SKAP1: variants seen among roughly 807,000 people sequenced by gnomAD.
SKAP1 encodes src kinase associated phosphoprotein 1, also known as src kinase-associated phosphoprotein 1.
SKAP1 carries 44 observed loss-of-function variants against 58.5 expected under a neutral mutation model. The observed-to-expected ratio is 0.75, with a 90% CI of 0.59 to 0.97. The LOEUF is 0.97. Ranked by LOEUF, SKAP1 falls within the 50% of genes least tolerant of loss-of-function variation. The probability of loss-of-function intolerance (pLI) is 0.00; values close to 1 mark genes in which losing one functional copy is unlikely to be tolerated. For synonymous variants in SKAP1, 127 were observed against 149.7 expected (o/e 0.85, Z 1.11); for missense variants, 390 against 435.2 (o/e 0.90, Z 0.92).
At position 48,181,469 on chromosome 17, in the gene SKAP1, G is replaced by A. The variant is rs370036815; in HGVS notation, c.631+925C>T. Among the ~76,000 whole-genome samples, 11 of 152,344 alleles carry A rather than the reference G, an allele frequency of 7.2e-5. No individual in the cohort carries two copies. The East Asian group carries it at 1.5e-3, about 21-fold the overall frequency. On this transcript the variant is annotated intron_variant, in intron 8 of 12. Coordinates refer to ENST00000336915, the MANE Select transcript of SKAP1 (RefSeq NM_003726.4). The stretch of plus-strand genomic sequence containing the variant: ...GTTCCAGTCTATTATACGTGACGCT[G>A]TTGGTAGATGCAATAGTTTGCTTTT...
intron 4 of SKAP1, among the ~76,000 whole-genome samples, chr17:48,319,760 T>C (rs1040947068): frequency 2.0e-5 from 3 of 152,180 alleles, no homozygotes; most frequent in African/African-American, 7.2e-5. Flanking sequence ...GAGGATCACC[T>C]GAGCCTGGGA....
chr17:48,219,635 T>G (rs2064978495), intron 4 of SKAP1, among the ~76,000 whole-genome samples: 1 of 152,230 alleles, frequency 6.6e-6, no homozygotes, highest in Non-Finnish European at 1.5e-5. Flanking sequence ...CCCAGTTATT[T>G]AAATTCTGGG....
intron 4 of SKAP1, chr17:48,295,504 T>C (rs1172607228): frequency 1.3e-5 from 2 of 152,140 alleles, no homozygotes; most frequent in African/African-American, 2.4e-5. Flanking sequence ...TCTTTAAAGA[T>C]ACTTTTTTTC....
chr17:48,154,747 T>TA (rs900147050), intron 11 of SKAP1, among the ~76,000 whole-genome samples: 2 of 151,886 alleles, frequency 1.3e-5, no homozygotes, highest in Non-Finnish European at 1.5e-5. Context: ...AGGATGCTTT[T>TA]AAAAAAAATG....
intron 4 of SKAP1, among the ~76,000 whole-genome samples, chr17:48,238,662 C>T (rs535602478): frequency 6.9e-4 from 105 of 152,254 alleles, no homozygotes; most frequent in Middle Eastern, 6.8e-3. Flanking sequence ...TATGAGCCAC[C>T]GCGCCCAGTT....
intron 8 of SKAP1, among the ~76,000 whole-genome samples, chr17:48,180,787 C>T (rs937808342): frequency 1.3e-5 from 2 of 152,042 alleles, no homozygotes; most frequent in Non-Finnish European, 2.9e-5. Context: ...TAAAAAGAAA[C>T]GGGGTATGGA....
chr17:48,234,815 A>C (rs2065162460), intron 4 of SKAP1, among the ~76,000 whole-genome samples: 1 of 152,236 alleles, frequency 6.6e-6, no homozygotes, highest in African/African-American at 2.4e-5. Flanking sequence ...AAATGAATAA[A>C]GGAGATTTAT....
chr17:48,279,064 G>C (rs1254755552), intron 4 of SKAP1, among the ~76,000 whole-genome samples: 1 of 152,168 alleles, frequency 6.6e-6, no homozygotes, highest in Non-Finnish European at 1.5e-5. Flanking sequence ...TGACTTCTGA[G>C]TACTAAATGT....
Position 48,150,993 on chromosome 17 carries a change from GA to G in SKAP1, c.978+11475del, listed in dbSNP as rs1427918487. On this transcript the variant is annotated intron_variant, in intron 11 of 12. Transcript: ENST00000336915. ...CAGAAGACTTAGGAGGTCAACAGTTGAAAAGCAAGATTTAGAGAGATCTTTA... is the reference window on the plus strand; with the variant it reads ...CAGAAGACTTAGGAGGTCAACAGTTGAAAGCAAGATTTAGAGAGATCTTTA... 2.7e-5 allele frequency among the ~76,000 whole-genome samples: 4 copies of G among 150,372 alleles called. No individual in the cohort carries two copies. In the Admixed American group the frequency reaches 2.7e-4, roughly 10 times the overall value.
At chr17:48,314,099 ATCTTGTC>A (rs1273759290) in intron 4 of SKAP1, among the ~76,000 whole-genome samples, 25 of 152,350 alleles carry the variant, frequency 1.6e-4, no homozygotes, top group African/African-American at 5.1e-4. Flanking sequence ...AGTTTTCATT[ATCTTGTC>A]TTAGACTGTT....
At chr17:48,418,898 C>T (rs898692877) in intron 1 of SKAP1, among the ~76,000 whole-genome samples, 12 of 152,142 alleles carry the variant, frequency 7.9e-5, no homozygotes, top group Admixed American at 4.6e-4. Context: ...GGAGGGAATA[C>T]TGACTGGAAA....
chr17:48,277,716 C>T (rs1167579917), intron 4 of SKAP1, among the ~76,000 whole-genome samples: 1 of 152,140 alleles, frequency 6.6e-6, no homozygotes, highest in African/African-American at 2.4e-5. Context: ...CTCTGTTGCC[C>T]AGGCTCCCAA....
intron 4 of SKAP1, among the ~76,000 whole-genome samples, chr17:48,318,658 G>A (rs1360072062): frequency 2.0e-5 from 3 of 152,174 alleles, no homozygotes; most frequent in South Asian, 2.1e-4. Context: ...TTGAGGCCAG[G>A]AGTTCAAGAC....
At position 48,180,080 on chromosome 17, in the gene SKAP1, T is replaced by C. The variant is rs770286423; in HGVS notation, c.800A>G (p.Glu267Gly). 5 of 1,596,532 alleles carry C rather than the reference T, an allele frequency of 3.1e-6. 1 individual carries two copies. In the Middle Eastern group the frequency reaches 5.0e-4, roughly 160 times the overall value. Residue 267 changes from glutamate (E) to glycine (G), a missense_variant, in exon 9 of 13, where the codon GAA becomes GGA. Glu to Gly is a moderately conservative substitution (Grantham distance 98). Coordinates refer to ENST00000336915, the MANE Select transcript of SKAP1 (RefSeq NM_003726.4). Reference protein sequence around the residue: ...GIKEPTEEKEEEDIYEVLPDE... With the variant: ...GIKEPTEEKEGEDIYEVLPDE... ...TGGCAAGACTTCATAAATATCTTCT[T>C]CTTCTTTCTCCTCTGTAGGCTCTTT...
chr17:48,270,106 T>C (rs1260365383), intron 4 of SKAP1, among the ~76,000 whole-genome samples: 1 of 152,142 alleles, frequency 6.6e-6, no homozygotes, highest in African/African-American at 2.4e-5. Context: ...AGCGAAACTC[T>C]GTCTCAACAA....
At chr17:48,350,594 G>T (rs2144346757) in intron 3 of SKAP1, among the ~76,000 whole-genome samples, 1 of 152,292 alleles carries the variant, frequency 6.6e-6, no homozygotes, top group African/African-American at 2.4e-5. Flanking sequence ...TACTTGGGAG[G>T]CTGAGGCAGG....
intron 1 of SKAP1, among the ~76,000 whole-genome samples, chr17:48,405,426 T>A (rs963076904): frequency 1.2e-5 from 1 of 83,644 alleles, no homozygotes; most frequent in Non-Finnish European, 2.4e-5. Flanking sequence ...TCTTTCTTTC[T>A]TTCTTTCTTT....
chr17:48,169,856 A>C (rs993111860), intron 10 of SKAP1, among the ~76,000 whole-genome samples: 2 of 152,174 alleles, frequency 1.3e-5, no homozygotes, highest in African/African-American at 2.4e-5. Flanking sequence ...CCTAAGAAAA[A>C]TATCAGCCAG....
At chr17:48,229,916 C>T (rs998888582) in intron 4 of SKAP1, among the ~76,000 whole-genome samples, 2 of 152,176 alleles carry the variant, frequency 1.3e-5, no homozygotes, top group Non-Finnish European at 2.9e-5. Flanking sequence ...ATAGGAAACC[C>T]TGAGAAATGA....
Sources: gnomAD v4.1 joint callset for allele counts (sites outside exome capture counted in the v4.1 genomes callset) on GRCh38, gnomAD v4.1.1 for gene constraint, MANE v1.5 for transcripts, NCBI Gene and HGNC (gene_info 2026-07-23, HGNC 2026-07-21) for gene names.